Variants in FRMD5 observed in about 807,000 individuals in gnomAD.
FRMD5 encodes the protein FERM domain-containing protein 5.
Under a neutral mutation model 69.0 loss-of-function variants are expected in FRMD5, and 20 were observed. The observed-to-expected ratio is 0.29, with a 90% CI of 0.20 to 0.42. The LOEUF is 0.42. Among genes scored for constraint, FRMD5 ranks in the 10% least tolerant of loss-of-function variants. FRMD5 has a pLI of 1.00. For synonymous variants in FRMD5, 271 were observed against 260.1 expected, an observed-to-expected ratio of 1.04 and a Z score of -0.40; for missense variants, 595 against 708.6, an observed-to-expected ratio of 0.84 and a Z score of 1.82.
intron 11 of FRMD5, 35 bp from the exon 12 acceptor site, chr15:43,884,830 A>G: frequency 6.3e-7 from 1 of 1,579,370 alleles, no homozygotes; most frequent in Non-Finnish European, 8.7e-7. Context: ...GCAGCAAGAA[A>G]TGAGACTGTG....
chr15:44,007,637 A>ATTTTTTTTTT (rs35512441), intron 1 of FRMD5, among the ~76,000 whole-genome samples: 46 of 81,132 alleles, frequency 5.7e-4, no homozygotes, highest in Non-Finnish European at 7.6e-4. Flanking sequence ...TAATTAACTA[A>ATTTTTTTTTT]TTTTTTTTTT....
chr15:44,198,029 G>A (rs2078322736), upstream of FRMD5, among the ~76,000 whole-genome samples: 1 of 152,180 alleles, frequency 6.6e-6, no homozygotes, highest in South Asian at 2.1e-4. Context: ...TCATGTCTGA[G>A]GCTGGGTGCA....
intron 1 of FRMD5, among the ~76,000 whole-genome samples, chr15:43,955,255 T>C (rs967325290): frequency 1.5e-4 from 23 of 152,212 alleles, no homozygotes; most frequent in South Asian, 4.1e-4. Flanking sequence ...CTTCCCAACA[T>C]GGTACCCAAA....
At chr15:44,103,989 C>T (rs2076677657) in intron 1 of FRMD5, among the ~76,000 whole-genome samples, 1 of 152,114 alleles carries the variant, frequency 6.6e-6, no homozygotes. Flanking sequence ...GTAAATAACA[C>T]TTGATAATAG....
At chr15:44,074,106 G>A (rs933244094) in intron 1 of FRMD5, among the ~76,000 whole-genome samples, 1 of 152,094 alleles carries the variant, frequency 6.6e-6, no homozygotes, top group Non-Finnish European at 1.5e-5. Context: ...GGCTTTGCAG[G>A]TAAGTCATTT....
chr15:44,177,360 C>G (rs2077916523), intron 1 of FRMD5, among the ~76,000 whole-genome samples: 1 of 151,992 alleles, frequency 6.6e-6, no homozygotes, highest in South Asian at 2.1e-4. Flanking sequence ...TATCTATGAC[C>G]TATACAATGG....
At chr15:43,884,649 T>A in intron 12 of FRMD5, 78 bp downstream of exon 12, 1 of 1,341,560 alleles carries the variant, frequency 7.5e-7, no homozygotes, top group South Asian at 1.2e-5. Flanking sequence ...GCCAGGGGCT[T>A]CACAGTACTC....
At chr15:44,158,857 A>C (rs910271013) in intron 1 of FRMD5, among the ~76,000 whole-genome samples, 1 of 152,120 alleles carries the variant, frequency 6.6e-6, no homozygotes, top group Non-Finnish European at 1.5e-5. Context: ...ACTCAGTCAG[A>C]CTCTTCATTC....
intron 1 of FRMD5, among the ~76,000 whole-genome samples, chr15:44,102,777 C>T (rs2076658037): frequency 6.6e-6 from 1 of 152,178 alleles, no homozygotes; most frequent in South Asian, 2.1e-4. Context: ...CTCACTGACT[C>T]ACTTGGGAAT....
rs541929746 is a variant in FRMD5, at chr15:44,051,914, T to C, written c.103-127605A>G. ...GTAATACTATGAACATTTATCACTGTTAATGCTGATCTTCATTGCCTGGCT... is the reference window on the plus strand; with the variant it reads ...GTAATACTATGAACATTTATCACTGCTAATGCTGATCTTCATTGCCTGGCT... On this transcript the variant is annotated intron_variant, in intron 1 of 13. Coordinates refer to ENST00000417257, the MANE Select transcript of FRMD5 (RefSeq NM_032892.5). Among the ~76,000 whole-genome samples, 4 of 152,316 alleles carry C rather than the reference T, an allele frequency of 2.6e-5. No homozygotes were observed. In the East Asian group the frequency reaches 7.7e-4, roughly 29 times the overall value.
intron 1 of FRMD5, chr15:44,063,881 C>A: frequency 3.7e-6 from 1 of 271,674 alleles, no homozygotes; most frequent in Non-Finnish European, 7.1e-6. Flanking sequence ...ATCTCTGCCC[C>A]CTCTGTCGAC....
chr15:44,053,467 T>C (rs1383135219), intron 1 of FRMD5, among the ~76,000 whole-genome samples: 1 of 152,078 alleles, frequency 6.6e-6, no homozygotes, highest in East Asian at 1.9e-4. Flanking sequence ...GTATTTTTAC[T>C]GGAATAGCAG....
intron 1 of FRMD5, among the ~76,000 whole-genome samples, chr15:43,975,564 A>C (rs1029713127): frequency 6.6e-6 from 1 of 152,194 alleles, no homozygotes; most frequent in Non-Finnish European, 1.5e-5. Flanking sequence ...AGTGATTAGC[A>C]AATATTTAAA....
chr15:44,144,476 T>C (rs1484681071), intron 1 of FRMD5, among the ~76,000 whole-genome samples: 1 of 152,170 alleles, frequency 6.6e-6, no homozygotes, highest in East Asian at 1.9e-4. Flanking sequence ...TCTATTTCAT[T>C]CACAGGACTC....
intron 7 of FRMD5, among the ~76,000 whole-genome samples, chr15:43,900,378 C>A (rs1026457838): frequency 2.6e-5 from 4 of 152,172 alleles, no homozygotes; most frequent in African/African-American, 7.2e-5. Context: ...AATGTCAATT[C>A]TCTGGTATAA....
At position 43,874,001 on chromosome 15, in the gene FRMD5, G is replaced by T. The variant is rs764786323; in HGVS notation, c.1597C>A (p.Arg533Ser). 5 of 1,614,046 alleles carry T rather than the reference G, an allele frequency of 3.1e-6. No individual in the cohort carries two copies. The highest frequency in any genetic ancestry group is 2.7e-5 in the African/African-American group (2 of 74,912). Reference protein sequence around the residue: ...TESDLDIAFFRDIRQTPEFEQ... With the variant: ...TESDLDIAFFSDIRQTPEFEQ... ...AACTCGGGGGTCTGGCGGATATCACGGAAAAAGGCAATGTCAAGGTCAGAC... is the reference window on the plus strand; with the variant it reads ...AACTCGGGGGTCTGGCGGATATCACTGAAAAAGGCAATGTCAAGGTCAGAC... The change falls in exon 14 of 14, where the codon CGT (arginine) becomes AGT (serine). Residue 533 changes from arginine (R) to serine (S), a missense_variant. Around this residue, in one of 5 missense-constraint regions of FRMD5, gnomAD observed 245 missense variants for 227.1 expected, o/e 1.08. Coordinates refer to ENST00000417257, the MANE Select transcript of FRMD5 (RefSeq NM_032892.5).
At chr15:43,954,517 C>A (rs1340615175) in intron 1 of FRMD5, among the ~76,000 whole-genome samples, 2 of 152,158 alleles carry the variant, frequency 1.3e-5, no homozygotes, top group Admixed American at 6.5e-5. Context: ...GAAGGGCAGG[C>A]ATAAAGATGA....
At chr15:43,964,714 T>A (rs1485736398) in intron 1 of FRMD5, among the ~76,000 whole-genome samples, 2 of 152,182 alleles carry the variant, frequency 1.3e-5, no homozygotes, top group African/African-American at 2.4e-5. Flanking sequence ...TGATGACAAT[T>A]TTCTTGTGAC....
At chr15:44,037,517 G>T (rs1443148712) in intron 1 of FRMD5, among the ~76,000 whole-genome samples, 1 of 149,776 alleles carries the variant, frequency 6.7e-6, no homozygotes, top group Non-Finnish European at 1.5e-5. Flanking sequence ...CGCCAGGCTG[G>T]AGTGCAGTGG....
Sources: gnomAD v4.1 joint callset for allele counts (sites outside exome capture counted in the v4.1 genomes callset) on GRCh38, gnomAD v4.1.1 for gene constraint, gnomAD v4.1.1 regional missense constraint, MANE v1.5 for transcripts, NCBI Gene and HGNC (gene_info 2026-07-23, HGNC 2026-07-21) for gene names.